Variants in SLMAP observed in about 807,000 individuals in gnomAD.
SLMAP encodes the protein sarcolemma associated protein, also known as sarcolemmal membrane-associated protein.
Under a neutral mutation model 128.8 loss-of-function variants are expected in SLMAP, and 44 were observed. The ratio of observed to expected loss-of-function variants is 0.34; its 90% CI spans 0.27 to 0.44. The LOEUF (loss-of-function observed/expected upper bound fraction) is 0.44. Among genes scored for constraint, SLMAP ranks in the 20% least tolerant of loss-of-function variants. The pLI is 1.00. For synonymous variants in SLMAP, 327 were observed against 348.8 expected (o/e 0.94, Z 0.70); for missense variants, 787 against 985.3 (o/e 0.80, Z 2.69).
chr3:57,915,513 G>A (rs988110884), intron 21 of SLMAP, among the ~76,000 whole-genome samples: 2 of 152,170 alleles, frequency 1.3e-5, no homozygotes, highest in Non-Finnish European at 1.5e-5. Flanking sequence ...AGGGTCTTAT[G>A]TGCCATTTAA....
At chr3:57,799,862 C>T (rs1370466014) in intron 2 of SLMAP, among the ~76,000 whole-genome samples, 1 of 152,090 alleles carries the variant, frequency 6.6e-6, no homozygotes, top group African/African-American at 2.4e-5. Context: ...TTACAGTTGA[C>T]CATGGATGTT....
chr3:57,859,517 T>G (rs2094949567), intron 8 of SLMAP, among the ~76,000 whole-genome samples: 1 of 152,068 alleles, frequency 6.6e-6, no homozygotes. Context: ...ATCGCAGAAC[T>G]GCGCTCCAGC....
chr3:57,832,741 T>C (rs1380903268), intron 3 of SLMAP, among the ~76,000 whole-genome samples: 2 of 152,210 alleles, frequency 1.3e-5, no homozygotes, highest in African/African-American at 4.8e-5. Context: ...ATACTTTCAC[T>C]GGTATTGCAA....
At chr3:57,879,666 G>A (rs1172974322) in intron 14 of SLMAP, among the ~76,000 whole-genome samples, 1 of 152,196 alleles carries the variant, frequency 6.6e-6, no homozygotes, top group Non-Finnish European at 1.5e-5. Context: ...GGATAGGCCA[G>A]GCGCAGTGGC....
At chr3:57,761,496 T>A (rs922811353) in intron 2 of SLMAP, among the ~76,000 whole-genome samples, 8 of 151,724 alleles carry the variant, frequency 5.3e-5, no homozygotes, top group African/African-American at 1.9e-4. Flanking sequence ...GGTTTCACCA[T>A]GTTGGCCAGG....
chr3:57,920,439 A>G (rs575716752), intron 22 of SLMAP, among the ~76,000 whole-genome samples: 9 of 152,212 alleles, frequency 5.9e-5, no homozygotes, highest in African/African-American at 2.2e-4. Context: ...TCTCCTGTCT[A>G]ATGTTTTTAT....
intron 14 of SLMAP, among the ~76,000 whole-genome samples, chr3:57,887,339 C>G (rs2095919971): frequency 6.6e-6 from 1 of 151,432 alleles, no homozygotes; most frequent in Non-Finnish European, 1.5e-5. Flanking sequence ...AAACGGTTCT[C>G]CTGCCTCAGC....
intron 2 of SLMAP, among the ~76,000 whole-genome samples, chr3:57,828,975 G>A (rs2093134849): frequency 6.6e-6 from 1 of 152,010 alleles, no homozygotes; most frequent in Admixed American, 6.6e-5. Context: ...TAGGGATGGG[G>A]TCTCACTTTG....
chr3:57,885,238 A>G (rs565368189), intron 14 of SLMAP, among the ~76,000 whole-genome samples: 2 of 151,162 alleles, frequency 1.3e-5, no homozygotes, highest in East Asian at 2.0e-4. Context: ...ACGCCCGGCT[A>G]AATTTGTATT....
chr3:57,833,790 T>A (rs1049935704), intron 3 of SLMAP, among the ~76,000 whole-genome samples: 59 of 145,806 alleles, frequency 4.0e-4, no homozygotes, highest in African/African-American at 1.1e-3. Context: ...AGATTAGATT[T>A]AAAAAAAAAA....
intron 8 of SLMAP, among the ~76,000 whole-genome samples, chr3:57,858,960 C>A (rs1034158434): frequency 1.7e-4 from 26 of 152,038 alleles, no homozygotes; most frequent in African/African-American, 5.3e-4. Flanking sequence ...ACAACAACAA[C>A]AAAAAAGTTA....
chr3:57,756,437 AG>A (rs1026019914), intron 1 of SLMAP, 95 bp downstream of exon 1: 10 of 152,234 alleles, frequency 6.6e-5, no homozygotes, highest in African/African-American at 1.9e-4. Context: ...AGGTCGGCGG[AG>A]GTCGTGCCTA....
At chr3:57,881,912 G>A (rs549088356) in intron 14 of SLMAP, among the ~76,000 whole-genome samples, 9 of 152,178 alleles carry the variant, frequency 5.9e-5, no homozygotes, top group African/African-American at 1.9e-4. Flanking sequence ...CCAGAGGATC[G>A]CTTGAGCCCG....
chr3:57,869,662 T>TATATATAAA (rs2095435530), intron 13 of SLMAP, among the ~76,000 whole-genome samples: 1 of 113,376 alleles, frequency 8.8e-6, no homozygotes, highest in African/African-American at 3.1e-5. Context: ...ATATATATAA[T>TATATATAAA]ATATATAAAC....
At chr3:57,871,360 G>A (rs745987533) in intron 13 of SLMAP, among the ~76,000 whole-genome samples, 8 of 152,070 alleles carry the variant, frequency 5.3e-5, no homozygotes, top group Non-Finnish European at 8.8e-5. Context: ...TGGACAAAAG[G>A]TGGAAGAACC....
chr3:57,857,377 T>C (rs2094843795), intron 6 of SLMAP, among the ~76,000 whole-genome samples: 1 of 152,192 alleles, frequency 6.6e-6, no homozygotes, highest in South Asian at 2.1e-4. Context: ...TATATACACA[T>C]ACCTATGATA....
intron 6 of SLMAP, among the ~76,000 whole-genome samples, chr3:57,853,687 T>A (rs1174003207): frequency 6.6e-6 from 1 of 151,898 alleles, no homozygotes; most frequent in Non-Finnish European, 1.5e-5. Flanking sequence ...ATGCCTGTAA[T>A]CCCAGCACTT....
intron 3 of SLMAP, among the ~76,000 whole-genome samples, chr3:57,834,994 C>T (rs758796065): frequency 2.6e-5 from 4 of 151,240 alleles, no homozygotes; most frequent in Non-Finnish European, 2.9e-5. Context: ...TGGTGGCGCA[C>T]GCCTGTAGTC....
At chr3:57,894,521 G>A (rs552709873) in intron 15 of SLMAP, among the ~76,000 whole-genome samples, 1 of 152,150 alleles carries the variant, frequency 6.6e-6, no homozygotes, top group South Asian at 2.1e-4. Context: ...AGTGAAATCA[G>A]GTCTGTAACA....
Sources: gnomAD v4.1 joint callset for allele counts (sites outside exome capture counted in the v4.1 genomes callset) on GRCh38, gnomAD v4.1.1 for gene constraint, MANE v1.5 for transcripts, NCBI Gene and HGNC (gene_info 2026-07-23, HGNC 2026-07-21) for gene names.